The following WNK1 variants were observed in gnomAD, a reference collection of about 807,000 sequenced individuals.
The protein encoded by WNK1 is WNK lysine deficient protein kinase 1.
WNK1 carries 38 observed loss-of-function variants against 222.8 expected under a neutral mutation model. That is an observed-to-expected ratio of 0.17 (90% CI 0.13 to 0.22). The LOEUF (loss-of-function observed/expected upper bound fraction) is 0.22. WNK1 is among the 10% of genes least tolerant of loss of function. The pLI is 1.00. For missense variants in WNK1, 2,348 were observed against 2,918.4 expected (o/e 0.80, Z 4.50); for synonymous variants, 1,090 against 1,092.9 (o/e 1.00, Z 0.05).
chr12:772,535 G>A (rs1942656045), intron 1 of WNK1, among the ~76,000 whole-genome samples: 1 of 152,022 alleles, frequency 6.6e-6, no homozygotes, highest in Admixed American at 6.6e-5. Context: ...ACACGGTTAT[G>A]TTGCTGTATG....
chr12:774,207 C>T (rs2153955576), intron 1 of WNK1, among the ~76,000 whole-genome samples: 1 of 152,302 alleles, frequency 6.6e-6, no homozygotes, highest in East Asian at 1.9e-4. Context: ...AGGATCTTTG[C>T]ACAATTTTCC....
intron 1 of WNK1, among the ~76,000 whole-genome samples, chr12:779,921 A>C (rs1943529087): frequency 6.6e-6 from 1 of 152,124 alleles, no homozygotes; most frequent in Non-Finnish European, 1.5e-5. Context: ...GATTAGTCAT[A>C]ATAAGGCTCA....
At chr12:855,394 C>T (rs35943762) in intron 4 of WNK1, among the ~76,000 whole-genome samples, 19,122 of 152,142 alleles carry the variant, frequency 0.13, 1,494 homozygotes, top group Middle Eastern at 0.2. Flanking sequence ...ATTGGGTCTT[C>T]GGAATAATAC....
At chr12:876,408 C>CAA (rs1042400545) in intron 9 of WNK1, among the ~76,000 whole-genome samples, 1 of 148,926 alleles carries the variant, frequency 6.7e-6, no homozygotes, top group Non-Finnish European at 1.5e-5. Flanking sequence ...GACTCCGTGT[C>CAA]AAAAAAAAAG....
At position 887,220 on chromosome 12, in the gene WNK1, G is replaced by C; in HGVS notation, c.5281-1G>C. On this transcript the variant is annotated splice_acceptor_variant, in intron 19 of 27. Transcript: ENST00000315939. LOFTEE classifies it high-confidence loss of function. ...CTTGATTTTCCCTTTGTTGTCTGTA[G>C]GTGCTGCCAGTGGGTACTGAACTTC... is the stretch of plus-strand genomic sequence containing the variant. The C allele has an allele frequency of 6.2e-7, 1 of 1,614,078 alleles. No homozygotes were observed. The highest frequency in any genetic ancestry group is 8.5e-7 in the Non-Finnish European group (1 of 1,179,972).
At chr12:838,601 A>G (rs528732073) in intron 4 of WNK1, among the ~76,000 whole-genome samples, 3 of 151,554 alleles carry the variant, frequency 2.0e-5, no homozygotes, top group African/African-American at 4.9e-5. Context: ...TTTTTTGTAG[A>G]GACGAGGTTT....
At position 910,193 on chromosome 12, in the gene WNK1, GCT is replaced by G. The variant is rs1165832311; in HGVS notation, c.*1405_*1406del. ...TGAAAAGTCACAGATGGAGAAAATT[GCT>G]CTCAGAAAAACTGTTTGGATTGCTT... On this transcript the variant is annotated 3_prime_UTR_variant, in exon 28 of 28. Transcript: ENST00000315939. 6.6e-6 allele frequency: 1 copy of G among 152,180 alleles called. No homozygotes were observed. Among genetic ancestry groups the G allele is most frequent in the East Asian group, 1.9e-4 (1 of 5,194 alleles). The allele number at this position is 152,180 out of a possible 1,614,324, so 9.4% of individuals were successfully genotyped here.
intron 4 of WNK1, chr12:851,404 A>G: frequency 9.2e-7 from 1 of 1,083,596 alleles, no homozygotes; most frequent in Non-Finnish European, 1.1e-6. Context: ...TAAAAATCCC[A>G]TTTTGCTTGT....
Position 908,861 on chromosome 12 carries a change from G to GGGGGGGGGGGGGGGGCA in WNK1, c.*69_*70insGGGGGGGGGGGGGGGCA. 1.4e-5 allele frequency: 7 copies of GGGGGGGGGGGGGGGGCA among 491,840 alleles called. No individual in the cohort carries two copies. Among genetic ancestry groups the GGGGGGGGGGGGGGGGCA allele is most frequent in the East Asian group, 6.0e-5 (1 of 16,746 alleles). The allele number at this position is 491,840 out of a possible 1,614,324, so 30.5% of individuals were successfully genotyped here. A position where few individuals can be genotyped will look rare whatever the true frequency, so the allele number is the denominator to read the frequency against. ...ATGCTGAGGGGGTGGGTGGGGGTGG[G>GGGGGGGGGGGGGGGGCA]AAGTAGCCTATATACTAACTACTAG... On this transcript the variant is annotated 3_prime_UTR_variant, in exon 28 of 28. Transcript: ENST00000315939.
At chr12:889,105 A>T (rs749142687) in intron 20 of WNK1, 35 bp from the exon 21 acceptor site, 2 of 1,586,530 alleles carry the variant, frequency 1.3e-6, no homozygotes, top group East Asian at 4.5e-5. Context: ...TGAAGGTGCC[A>T]CGGAACTGTA....
At chr12:865,493 A>G (rs1951588490) in intron 8 of WNK1, 5 of 1,269,554 alleles carry the variant, frequency 3.9e-6, no homozygotes. Flanking sequence ...CTAGGATACC[A>G]GTTATTCCTG....
intron 4 of WNK1, among the ~76,000 whole-genome samples, chr12:848,496 C>CTTTTTTTTTTTTTTTTTTTTTTT (rs10644583): frequency 3.0e-5 from 3 of 99,258 alleles, no homozygotes; most frequent in Non-Finnish European, 3.8e-5. Context: ...CCAGTAAAAA[C>CTTTTTTTTTTTTTTTTTTTTTTT]TTTTTTTTTT....
At chr12:787,365 C>T (rs903926844) in intron 1 of WNK1, among the ~76,000 whole-genome samples, 1 of 152,148 alleles carries the variant, frequency 6.6e-6, no homozygotes, top group African/African-American at 2.4e-5. Context: ...GATCCTCCTG[C>T]CTCAGCCTCC....
chr12:818,411 A>G (rs539301890), intron 2 of WNK1, among the ~76,000 whole-genome samples: 59 of 152,312 alleles, frequency 3.9e-4, no homozygotes, highest in African/African-American at 1.1e-3. Context: ...TTTGGGCTTC[A>G]GTTCCCCATG....
intron 1 of WNK1, among the ~76,000 whole-genome samples, chr12:780,877 A>T (rs1283931542): frequency 6.6e-6 from 1 of 152,104 alleles, no homozygotes; most frequent in Non-Finnish European, 1.5e-5. Flanking sequence ...GTCAAAAAGG[A>T]TTTTTACCTT....
At chr12:852,799 CTT>C (rs1172083818) in intron 4 of WNK1, among the ~76,000 whole-genome samples, 1 of 152,098 alleles carries the variant, frequency 6.6e-6, no homozygotes, top group Non-Finnish European at 1.5e-5. Context: ...AAAACTGTAA[CTT>C]TGTATTTATT....
Position 906,502 on chromosome 12 carries a change from C to T in WNK1, c.6644-1345C>T, listed in dbSNP as rs1453480007. On this transcript the variant is annotated intron_variant, in intron 26 of 27. Transcript: ENST00000315939. ...CTGTTCTGGGAAGAGTGGGGAGAAG[C>T]GGTGGGAATCCTTGAGCCAATTGAA... 11 of 985,092 alleles carry T rather than the reference C, an allele frequency of 1.1e-5. No individual in the cohort carries two copies. The East Asian group carries it at 3.4e-4, about 30-fold the overall frequency. 61.0% of individuals were successfully genotyped at this position (985,092 alleles called of 1,614,324 possible). A position where few individuals can be genotyped will look rare whatever the true frequency, so the allele number is the denominator to read the frequency against.
At chr12:796,275 T>C (rs998082426) in intron 1 of WNK1, among the ~76,000 whole-genome samples, 14 of 152,312 alleles carry the variant, frequency 9.2e-5, no homozygotes, top group East Asian at 7.7e-4. Flanking sequence ...TCAAGATTAG[T>C]ATAAGGACCT....
At chr12:856,197 C>T (rs113279814) in intron 4 of WNK1, among the ~76,000 whole-genome samples, 19,428 of 151,428 alleles carry the variant, frequency 0.13, 1,596 homozygotes, top group East Asian at 0.4. Flanking sequence ...CCTGTAATCC[C>T]GGCACTTTGG....
Sources: allele counts gnomAD v4.1 joint callset (sites outside exome capture counted in the v4.1 genomes callset), GRCh38; gene constraint gnomAD v4.1.1; transcripts MANE v1.5; gene names NCBI Gene and HGNC (gene_info 2026-07-23, HGNC 2026-07-21).